The following BCL11B variants were observed in gnomAD, a reference collection of about 807,000 sequenced individuals.
The protein encoded by BCL11B is BCL11 transcription factor B, also known as B-cell lymphoma/leukemia 11B.
In BCL11B, 8 loss-of-function variants were observed where a neutral mutation model predicts 49.9. The ratio of observed to expected loss-of-function variants is 0.16; its 90% CI spans 0.09 to 0.29. The LOEUF (loss-of-function observed/expected upper bound fraction) is 0.29, where lower values mean the gene tolerates loss of function less well. Among genes scored for constraint, BCL11B ranks in the 10% least tolerant of loss-of-function variants. The pLI, the probability that BCL11B is intolerant of heterozygous loss-of-function variation, is 1.00. For missense variants in BCL11B, 1,006 were observed against 1,351.0 expected, an observed-to-expected ratio of 0.74 and a Z score of 4.00; for synonymous variants, 739 against 637.4, an observed-to-expected ratio of 1.16 and a Z score of -2.40.
At position 99,243,098 on chromosome 14, in the gene BCL11B, A is replaced by G. The variant is rs1329923126; in HGVS notation, c.428-11541T>C. 2.6e-5 allele frequency among the ~76,000 whole-genome samples: 4 copies of G among 152,284 alleles called. No individual in the cohort carries two copies. The East Asian group carries it at 7.7e-4, about 29-fold the overall frequency. Reference sequence around the variant, plus strand: ...CTTCTGGGGCCTGAGACCAAATATCAGGAAAAAATACCTTTTCTAGGGTAT... The same window carrying G: ...CTTCTGGGGCCTGAGACCAAATATCGGGAAAAAATACCTTTTCTAGGGTAT... On this transcript the variant is annotated intron_variant, in intron 2 of 3. Transcript: ENST00000357195.
At chr14:99,209,558 C>G (rs934803617) in intron 3 of BCL11B, among the ~76,000 whole-genome samples, 8 of 152,176 alleles carry the variant, frequency 5.3e-5, no homozygotes, top group East Asian at 1.9e-4. Flanking sequence ...CCAGCACGAC[C>G]TCAGCAAGGT....
Position 99,175,696 on chromosome 14 carries a change from C to T in BCL11B, c.1140G>A (p.Val380=). ...GCATAGGGTTGCCGCGGCCCGGGGACACGGGCGGCGGCGTGGAGCTGTTGC... is the reference window on the plus strand; with the variant it reads ...GCATAGGGTTGCCGCGGCCCGGGGATACGGGCGGCGGCGTGGAGCTGTTGC... ...LAGNSSTPPP[V]SPGRGNPMHR... The change falls in exon 4 of 4, where the codon GTG becomes GTA. Residue 380 remains valine (V), a synonymous_variant. Transcript: ENST00000357195. 1 of 1,516,658 alleles carries T rather than the reference C, an allele frequency of 6.6e-7. No individual in the cohort carries two copies. 94.0% of individuals were successfully genotyped at this position (1,516,658 alleles called of 1,614,324 possible).
At chr14:99,191,416 T>C (rs911978338) in intron 3 of BCL11B, among the ~76,000 whole-genome samples, 16 of 143,304 alleles carry the variant, frequency 1.1e-4, no homozygotes, top group Non-Finnish European at 2.3e-4. Context: ...AAAAAAAAAA[T>C]AGACTGAAAG....
intron 3 of BCL11B, among the ~76,000 whole-genome samples, chr14:99,208,948 G>C (rs1340429446): frequency 6.6e-6 from 1 of 152,204 alleles, no homozygotes; most frequent in African/African-American, 2.4e-5. Context: ...GAGCCCCCAA[G>C]AAGTGGGAGA....
In BCL11B at chr14:99,174,109, A is replaced by G; in HGVS notation, c.*42T>C. On this transcript the variant is annotated 3_prime_UTR_variant, in exon 4 of 4. Transcript: ENST00000357195. ...CAGGTCAGCATTCTCTCGGTTGGCA[A>G]CGGTTCCACTGTACAGGTGCGGGGC... is the stretch of plus-strand genomic sequence containing the variant. The G allele has an allele frequency of 6.3e-7, 1 of 1,582,602 alleles. No homozygotes were observed. Among genetic ancestry groups the G allele is most frequent in the Non-Finnish European group, 8.6e-7 (1 of 1,163,462 alleles).
At chr14:99,237,445 G>A (rs1888535994) in intron 2 of BCL11B, among the ~76,000 whole-genome samples, 1 of 152,152 alleles carries the variant, frequency 6.6e-6, no homozygotes, top group African/African-American at 2.4e-5. Context: ...GGGAGTGGGT[G>A]TGCCACGTGG....
In BCL11B at chr14:99,185,601, T is replaced by C. The variant is rs540808879; in HGVS notation, c.641-9406A>G. On this transcript the variant is annotated intron_variant, in intron 3 of 3. Transcript: ENST00000357195. ...TGGGCCACGCGACGCAGAAAGCAGCTCTGTTTGCTATAGAATGAGGCAGGT... is the reference window on the plus strand; with the variant it reads ...TGGGCCACGCGACGCAGAAAGCAGCCCTGTTTGCTATAGAATGAGGCAGGT... 2.1e-4 allele frequency among the ~76,000 whole-genome samples: 32 copies of C among 152,192 alleles called. No homozygotes were observed. In the South Asian group the frequency reaches 4.4e-3, roughly 21 times the overall value.
intron 3 of BCL11B, among the ~76,000 whole-genome samples, chr14:99,218,859 C>T (rs915786013): frequency 6.6e-6 from 1 of 152,086 alleles, no homozygotes; most frequent in Non-Finnish European, 1.5e-5. Flanking sequence ...CTAGGTGGGT[C>T]CTGAATCCAA....
chr14:99,195,919 C>T lies in BCL11B; in HGVS notation c.641-19724G>A, dbSNP rs1387450241. Among the ~76,000 whole-genome samples the T allele has an allele frequency of 6.6e-6, 1 of 152,110 alleles. No homozygotes were observed. Among genetic ancestry groups the T allele is most frequent in the African/African-American group, 2.4e-5 (1 of 41,410 alleles). ...ACCCGCCCCTTGTGTCTGCGCGGCA[C>T]AGTGAGAACTGACATTTCTTCCTAG... On this transcript the variant is annotated intron_variant, in intron 3 of 3. Transcript: ENST00000357195. The surrounding 1 kb of genome is among the most constrained non-coding windows in gnomAD (Gnocchi z 4.7).
intron 3 of BCL11B, among the ~76,000 whole-genome samples, chr14:99,224,806 T>A (rs965516968): frequency 1.1e-4 from 17 of 152,154 alleles, no homozygotes; most frequent in African/African-American, 4.1e-4. Context: ...CTCACTCCCA[T>A]TCACTGCAAG....
At chr14:99,207,037 C>T (rs1391324857) in intron 3 of BCL11B, among the ~76,000 whole-genome samples, 3 of 152,230 alleles carry the variant, frequency 2.0e-5, no homozygotes, top group Non-Finnish European at 4.4e-5. Context: ...TGAACTATTA[C>T]TTTCTTTCAT....
intron 2 of BCL11B, among the ~76,000 whole-genome samples, chr14:99,250,984 T>C (rs12589215): frequency 1.3e-5 from 2 of 152,176 alleles, no homozygotes; most frequent in East Asian, 3.9e-4. Context: ...CTCTTGACTC[T>C]GGTTTGCACA....
chr14:99,235,122 G>C (rs1257413), intron 2 of BCL11B, among the ~76,000 whole-genome samples: 111,515 of 152,110 alleles, frequency 0.73, 41,343 homozygotes, highest in Non-Finnish European at 0.79. Flanking sequence ...AGCCCCATCC[G>C]GGTTTCAGGG....
rs575159102 is a variant in BCL11B, at chr14:99,214,671, A to AAAAT, written c.640+16670_640+16673dup. 2.0e-4 allele frequency among the ~76,000 whole-genome samples: 31 copies of AAAAT among 151,660 alleles called. No homozygotes were observed. In the Middle Eastern group the frequency reaches 0.01, roughly 50 times the overall value. On this transcript the variant is annotated intron_variant, in intron 3 of 3. Coordinates refer to ENST00000357195, the MANE Select transcript of BCL11B (RefSeq NM_138576.4). ...ACCTAAAATACATTTAAATATTAAA[A>AAAAT]AAATAAATAAATAAATAAATAAACA... is the stretch of plus-strand genomic sequence containing the variant.
chr14:99,191,630 C>T (rs895557195), intron 3 of BCL11B, among the ~76,000 whole-genome samples: 8 of 151,776 alleles, frequency 5.3e-5, no homozygotes, highest in Non-Finnish European at 1.0e-4. Flanking sequence ...TAGGGAGCTC[C>T]GAGCCTCGTG....
In BCL11B at chr14:99,192,649, G is replaced by A. The variant is rs979705980; in HGVS notation, c.641-16454C>T. Among the ~76,000 whole-genome samples, 2 of 152,168 alleles carry A rather than the reference G, an allele frequency of 1.3e-5. No homozygotes were observed. Among genetic ancestry groups the A allele is most frequent in the Non-Finnish European group, 2.9e-5 (2 of 68,042 alleles). ...GACATGGCAACTTGGGAACCACACT[G>A]GGGCTGGGGCTGTGGGCCAGAAAGA... On this transcript the variant is annotated intron_variant, in intron 3 of 3. Transcript: ENST00000357195. This position sits in a 1 kb window ranked among gnomAD's most constrained non-coding sequence, Gnocchi z 4.0.
In BCL11B at chr14:99,237,236, C is replaced by CT. The variant is rs56991081; in HGVS notation, c.428-5680dup. Reference sequence around the variant, plus strand: ...GGTATTATTTCATTTCTTTTTTTTTCTTTTTTTTTTTTTTTAGCTTTTAAT... The same window carrying CT: ...GGTATTATTTCATTTCTTTTTTTTTCTTTTTTTTTTTTTTTTAGCTTTTAAT... On this transcript the variant is annotated intron_variant, in intron 2 of 3. Coordinates refer to ENST00000357195, the MANE Select transcript of BCL11B (RefSeq NM_138576.4). 4.7e-3 allele frequency among the ~76,000 whole-genome samples: 630 copies of CT among 132,782 alleles called. 2 individuals are homozygous for CT. The highest frequency in any genetic ancestry group is 8.2e-3 in the Middle Eastern group (2 of 244). 87.1% of individuals were successfully genotyped at this position (132,782 alleles called of 152,430 possible). A position where few individuals can be genotyped will look rare whatever the true frequency, so the allele number is the denominator to read the frequency against.
chr14:99,270,099 C>T (rs1045947586), intron 1 of BCL11B, among the ~76,000 whole-genome samples: 2 of 151,878 alleles, frequency 1.3e-5, no homozygotes, highest in African/African-American at 4.8e-5. Context: ...TCGCTTTTCC[C>T]CTCTGCTAAA....
chr14:99,180,602 A>G (rs1023673050), intron 3 of BCL11B, among the ~76,000 whole-genome samples: 1 of 152,206 alleles, frequency 6.6e-6, no homozygotes, highest in African/African-American at 2.4e-5. Context: ...TAGAATGGGA[A>G]TAATATACCT....
Sources: allele counts gnomAD v4.1 joint callset (sites outside exome capture counted in the v4.1 genomes callset), GRCh38; gene constraint gnomAD v4.1.1; non-coding constraint Gnocchi (gnomAD v3.1); transcripts MANE v1.5; gene names NCBI Gene and HGNC (gene_info 2026-07-23, HGNC 2026-07-21).